Variants in POLR1A observed in about 807,000 individuals in gnomAD.
POLR1A encodes the protein RNA polymerase I subunit A.
Under a neutral mutation model 205.3 loss-of-function variants are expected in POLR1A, and 84 were observed. The observed-to-expected ratio is 0.41, with a 90% CI of 0.34 to 0.49. The LOEUF (loss-of-function observed/expected upper bound fraction) is 0.49. POLR1A is among the 20% of genes least tolerant of loss of function. The probability of loss-of-function intolerance (pLI) is 0.22; values close to 1 mark genes in which losing one functional copy is unlikely to be tolerated. For missense variants in POLR1A, 1,645 were observed against 2,204.5 expected (o/e 0.75, Z 5.08); for synonymous variants, 799 against 863.7 (o/e 0.93, Z 1.31).
At chr2:86,054,816 A>T (rs897616171) in intron 14 of POLR1A, among the ~76,000 whole-genome samples, 7 of 152,210 alleles carry the variant, frequency 4.6e-5, no homozygotes, top group African/African-American at 1.7e-4. Context: ...GAGAGCTCAA[A>T]GGGAGACAGC....
intron 6 of POLR1A, among the ~76,000 whole-genome samples, chr2:86,084,416 CA>C (rs112508210): frequency 0.027 from 3,731 of 138,794 alleles, 126 homozygotes; most frequent in African/African-American, 0.088. Context: ...GACCCTGTCT[CA>C]AAAAAAAAAA....
chr2:86,026,925 C>T lies in POLR1A; in HGVS notation c.*498G>A. ...GGCTGGAGCAGCCGGAAGGAGCAGG[C>T]CTTGGGCAGCAGGCTCCACGTTCCT... is the stretch of plus-strand genomic sequence containing the variant. On this transcript the variant is annotated 3_prime_UTR_variant, in exon 34 of 34. Coordinates refer to ENST00000263857, the MANE Select transcript of POLR1A (RefSeq NM_015425.6). 2.3e-5 allele frequency: 4 copies of T among 174,860 alleles called. No individual in the cohort carries two copies. Among genetic ancestry groups the T allele is most frequent in the Admixed American group, 5.4e-5 (1 of 18,604 alleles). The allele number at this position is 174,860 out of a possible 1,614,324, so 10.8% of individuals were successfully genotyped here.
intron 11 of POLR1A, among the ~76,000 whole-genome samples, chr2:86,077,005 C>T (rs374859559): frequency 8.5e-5 from 13 of 152,166 alleles, no homozygotes; most frequent in African/African-American, 2.7e-4. Flanking sequence ...CCTGACACAT[C>T]ACGCCTTTGT....
intron 20 of POLR1A, 108 bp downstream of exon 20, chr2:86,045,509 C>CA: frequency 7.5e-7 from 1 of 1,334,412 alleles, no homozygotes; most frequent in Non-Finnish European, 1.1e-6. Flanking sequence ...TCGACAGCTA[C>CA]AATAGCCCCC....
At chr2:86,074,758 T>C (rs529125941) in intron 12 of POLR1A, among the ~76,000 whole-genome samples, 2 of 152,212 alleles carry the variant, frequency 1.3e-5, no homozygotes, top group African/African-American at 4.8e-5. Flanking sequence ...TCAAATTCAG[T>C]AGAGGTGGGG....
rs1221886188 is a variant in POLR1A, at chr2:86,052,861, C to T, written c.2348G>A (p.Arg783His). The T allele has an allele frequency of 1.1e-5, 17 of 1,590,954 alleles. No individual in the cohort carries two copies. Among genetic ancestry groups the T allele is most frequent in the Non-Finnish European group, 1.3e-5 (15 of 1,167,992 alleles). ...GAGCTGCAGGTAGGCGGTGAAGAGG[C>T]GGGCCAGGCAGGTTAGAACCTTGCC... ...TSGKVLTCLA[R>H]LFTAYLQLYR... Residue 783 changes from arginine to histidine, a missense_variant, in exon 16 of 34, where the codon CGC (arginine) becomes CAC (histidine). This residue lies in a region of POLR1A where 339 missense variants were observed against 415.1 expected (regional missense o/e 0.82). Coordinates refer to ENST00000263857, the MANE Select transcript of POLR1A (RefSeq NM_015425.6).
rs756415592 is a variant in POLR1A, at chr2:86,041,149, C to CTGTGTGTG, written c.3573-598_3573-591dup. ...CAGCCACTAGGAGCGCTGAGCTACA[C>CTGTGTGTG]TGTGTGTGTGTGTGTGTGTGTGTGT... is the stretch of plus-strand genomic sequence containing the variant. On this transcript the variant is annotated intron_variant, in intron 24 of 33. Coordinates refer to ENST00000263857, the MANE Select transcript of POLR1A (RefSeq NM_015425.6). 1.1e-3 allele frequency among the ~76,000 whole-genome samples: 131 copies of CTGTGTGTG among 122,356 alleles called. 1 individual carries two copies. The highest frequency in any genetic ancestry group is 7.5e-3 in the East Asian group (31 of 4,130). The allele number at this position is 122,356 out of a possible 152,430, so 80.3% of individuals were successfully genotyped here. A position where few individuals can be genotyped will look rare whatever the true frequency, so the allele number is the denominator to read the frequency against.
chr2:86,076,385 T>G (rs992894433), intron 11 of POLR1A, among the ~76,000 whole-genome samples: 1 of 152,216 alleles, frequency 6.6e-6, no homozygotes, highest in African/African-American at 2.4e-5. Flanking sequence ...CAACAGAGCA[T>G]ACATATACTT....
chr2:86,036,003 G>A lies in POLR1A; in HGVS notation c.4035-2216C>T, dbSNP rs923405492. On this transcript the variant is annotated intron_variant, in intron 27 of 33. Coordinates refer to ENST00000263857, the MANE Select transcript of POLR1A (RefSeq NM_015425.6). The stretch of plus-strand genomic sequence containing the variant: ...TTTTGCCAAGAGCAGGGGAACTAAC[G>A]GCCCACAGTGACTGCCTTCTCAAGG... Among the ~76,000 whole-genome samples, 11 of 152,166 alleles carry A rather than the reference G, an allele frequency of 7.2e-5. No individual in the cohort carries two copies. In the South Asian group the frequency reaches 1.0e-3, roughly 14 times the overall value.
intron 3 of POLR1A, among the ~76,000 whole-genome samples, chr2:86,090,215 G>A (rs1673577047): frequency 6.6e-6 from 1 of 151,986 alleles, no homozygotes; most frequent in Non-Finnish European, 1.5e-5. Flanking sequence ...GCAACATGGT[G>A]AAATCCTGTC....
At chr2:86,038,905 GA>G in intron 26 of POLR1A, 48 bp from the exon 27 acceptor site, 1 of 1,581,732 alleles carries the variant, frequency 6.3e-7, no homozygotes, top group Non-Finnish European at 8.7e-7. Flanking sequence ...GGTCCTAGGT[GA>G]CTGCGCAATG....
intron 31 of POLR1A, among the ~76,000 whole-genome samples, chr2:86,029,900 C>T (rs573993727): frequency 2.2e-4 from 34 of 152,164 alleles, no homozygotes; most frequent in African/African-American, 7.2e-4. Flanking sequence ...ACGCCCGGCC[C>T]GAGGGTCTTA....
chr2:86,076,805 G>T (rs1195518838), intron 11 of POLR1A, among the ~76,000 whole-genome samples: 1 of 152,204 alleles, frequency 6.6e-6, no homozygotes, highest in Non-Finnish European at 1.5e-5. Context: ...GGCCAACAAG[G>T]GTGGCCCCTG....
In POLR1A at chr2:86,024,768, G is replaced by C. The variant is rs1181920365; in HGVS notation, c.*2655C>G. The C allele has an allele frequency of 2.0e-5, 3 of 152,162 alleles. No homozygotes were observed. Among genetic ancestry groups the C allele is most frequent in the Non-Finnish European group, 4.4e-5 (3 of 68,034 alleles). 9.4% of individuals were successfully genotyped at this position (152,162 alleles called of 1,614,324 possible). ...TGTTAGAAGCAAGCAAGTAGGTATGGATATCACCCCAAAGGGCAAGGTGAG... is the reference window on the plus strand; with the variant it reads ...TGTTAGAAGCAAGCAAGTAGGTATGCATATCACCCCAAAGGGCAAGGTGAG... On this transcript the variant is annotated 3_prime_UTR_variant, in exon 34 of 34. Coordinates refer to ENST00000263857, the MANE Select transcript of POLR1A (RefSeq NM_015425.6).
Position 86,044,170 on chromosome 2 carries a change from T to C in POLR1A, c.3104A>G (p.Lys1035Arg), listed in dbSNP as rs367732062. ...GTTGCTGGCCAGGAAGGGGAACTGC[T>C]TGGGCTGCAGGAACTGTGTCTTGGG... ...DIPKTQFLQP[K>R]QFPFLASNYE... The change falls in exon 22 of 34, where the codon AAG becomes AGG. Residue 1035 changes from lysine (K) to arginine (R), a missense_variant. Around this residue, in one of 16 missense-constraint regions of POLR1A, gnomAD observed 201 missense variants for 222.3 expected, o/e 0.90. Coordinates refer to ENST00000263857, the MANE Select transcript of POLR1A (RefSeq NM_015425.6). The C allele has an allele frequency of 6.2e-7, 1 of 1,614,078 alleles. No homozygotes were observed. The highest frequency in any genetic ancestry group is 8.5e-7 in the Non-Finnish European group (1 of 1,180,042).
Position 86,033,718 on chromosome 2 carries a change from G to A in POLR1A, c.4104C>T (p.Asn1368=), listed in dbSNP as rs1672442337. ...GATCCCGCTGTGTAGCTCTTCGAGT[G>A]TTTACGTTCCTGAAAGCTGATGCTT... ...NNKASAFRNV[N]TRRATQRDLD... is the part of the protein sequence containing the mutation. Residue 1368 remains asparagine, a synonymous_variant, in exon 28 of 34, where the codon AAC becomes AAT. Transcript: ENST00000263857. 6.2e-7 allele frequency: 1 copy of A among 1,613,988 alleles called. No homozygotes were observed. The highest frequency in any genetic ancestry group is 8.5e-7 in the Non-Finnish European group (1 of 1,179,980).
At chr2:86,066,379 G>A (rs1233806588) in intron 13 of POLR1A, among the ~76,000 whole-genome samples, 1 of 152,204 alleles carries the variant, frequency 6.6e-6, no homozygotes, top group Non-Finnish European at 1.5e-5. Flanking sequence ...TTTGGTGAGT[G>A]CATTAATTTC....
At chr2:86,097,935 T>C (rs756249082) in intron 3 of POLR1A, among the ~76,000 whole-genome samples, 3 of 152,356 alleles carry the variant, frequency 2.0e-5, no homozygotes, top group East Asian at 3.9e-4. Context: ...AGAACTGATA[T>C]GCTAATTATC....
In POLR1A at chr2:86,105,654, C is replaced by T; in HGVS notation, c.77+46G>A. The T allele has an allele frequency of 2.2e-6, 3 of 1,349,022 alleles. No individual in the cohort carries two copies. In the South Asian group the frequency reaches 3.5e-5, roughly 16 times the overall value. 83.6% of individuals were successfully genotyped at this position (1,349,022 alleles called of 1,614,324 possible). A position where few individuals can be genotyped will look rare whatever the true frequency, so the allele number is the denominator to read the frequency against. On this transcript the variant is annotated intron_variant, in intron 1 of 33. Transcript: ENST00000263857. ...TTCTGGGAATCGTAGTTTAGGGCGC[C>T]GACCTCAAGATCCAGGCTGGGCACG...
Sources: gnomAD v4.1 joint callset for allele counts (sites outside exome capture counted in the v4.1 genomes callset) on GRCh38, gnomAD v4.1.1 for gene constraint, gnomAD v4.1.1 regional missense constraint, MANE v1.5 for transcripts, NCBI Gene and HGNC (gene_info 2026-07-23, HGNC 2026-07-21) for gene names.